Variants in ZNF514 observed in about 807,000 individuals in gnomAD.
The protein encoded by ZNF514 is zinc finger protein 514.
A neutral mutation model predicts 9.7 loss-of-function variants in ZNF514; 12 were observed. The observed-to-expected ratio is 1.24, with a 90% CI of 0.79 to 2.01. The LOEUF (loss-of-function observed/expected upper bound fraction) is 2.01. ZNF514 is among the 30% of genes most tolerant of loss of function. ZNF514 has a pLI of 0.00. For synonymous variants in ZNF514, 158 were observed against 163.7 expected, an observed-to-expected ratio of 0.97 and a Z score of 0.27; for missense variants, 467 against 465.5, an observed-to-expected ratio of 1.00 and a Z score of -0.03.
chr2:95,130,531 T>G, the ZNF514 span, among the ~76,000 whole-genome samples: 9 of 152,210 alleles, frequency 5.9e-5, no homozygotes, highest in Admixed American at 3.3e-4. Flanking sequence ...GAGACAGGTA[T>G]GCCCCGGGGG....
the ZNF514 span, among the ~76,000 whole-genome samples, chr2:95,137,623 T>C: frequency 6.6e-6 from 1 of 152,216 alleles, no homozygotes; most frequent in Non-Finnish European, 1.5e-5. Context: ...CCTCCCTTCA[T>C]GATATTTGAA....
chr2:95,150,133 CGCA>C lies in ZNF514; in HGVS notation c.349_351del (p.Cys117del). 1 of 1,611,428 alleles carries C rather than the reference CGCA, an allele frequency of 6.2e-7. No homozygotes were observed. Among genetic ancestry groups the C allele is most frequent in the South Asian group, 1.1e-5 (1 of 91,078 alleles). On this transcript the variant is annotated inframe_deletion, in exon 5 of 5. Coordinates refer to ENST00000295208, the MANE Select transcript of ZNF514 (RefSeq NM_032788.3). ...TGCATCTCTAACTGGCCATCACAAC[CGCA>C]GGCTGCTTTCAACTTCGAGAACTGC...
At chr2:95,134,172 A>T in the ZNF514 span, among the ~76,000 whole-genome samples, 2 of 152,156 alleles carry the variant, frequency 1.3e-5, no homozygotes. Context: ...CAAAAATCAT[A>T]AACTTTGTGA....
chr2:95,142,369 T>C (rs1357075114), downstream of ZNF514, among the ~76,000 whole-genome samples: 1 of 152,224 alleles, frequency 6.6e-6, no homozygotes, highest in African/African-American at 2.4e-5. Context: ...GAACCAATTA[T>C]GATAGTATAT....
chr2:95,150,243 T>C lies in ZNF514; in HGVS notation c.242A>G (p.Lys81Arg), dbSNP rs1267638567. 1 of 1,592,948 alleles carries C rather than the reference T, an allele frequency of 6.3e-7. No individual in the cohort carries two copies. The part of the protein sequence containing the change: ...HSDWKRRSKS[K>R]ESMPSWGISK... Reference sequence around the variant, plus strand: ...AATTCCCCAACTTGGCATTGATTCCTTGGATTTAGACCTTCTCTTCCAGTC... The same window carrying C: ...AATTCCCCAACTTGGCATTGATTCCCTGGATTTAGACCTTCTCTTCCAGTC... The change falls in exon 5 of 5, where the codon AAG becomes AGG. Residue 81 changes from lysine to arginine, a missense_variant. By Grantham distance (26) the Lys-to-Arg change is conservative. Coordinates refer to ENST00000295208, the MANE Select transcript of ZNF514 (RefSeq NM_032788.3).
rs940602022 is a variant in ZNF514 at position 95,149,172 on chromosome 2, A to G, written c.*110T>C. 3.8e-6 allele frequency: 5 copies of G among 1,312,986 alleles called. No homozygotes were observed. Among genetic ancestry groups the G allele is most frequent in the Non-Finnish European group, 3.1e-6 (3 of 967,446 alleles). 81.3% of individuals were successfully genotyped at this position (1,312,986 alleles called of 1,614,324 possible). ...TAATTATTGCCTGATGTGGAACAAG[A>G]TGTGGTCTTCCCACATACATTACAC... On this transcript the variant is annotated 3_prime_UTR_variant, in exon 5 of 5. Coordinates refer to ENST00000295208, the MANE Select transcript of ZNF514 (RefSeq NM_032788.3).
chr2:95,133,325 C>T, the ZNF514 span, among the ~76,000 whole-genome samples: 1 of 152,112 alleles, frequency 6.6e-6, no homozygotes, highest in Non-Finnish European at 1.5e-5. Context: ...CAGAGCAAGA[C>T]CCTGTCTCAA....
At chr2:95,130,363 C>T in the ZNF514 span, among the ~76,000 whole-genome samples, 7 of 152,182 alleles carry the variant, frequency 4.6e-5, no homozygotes, top group African/African-American at 7.2e-5. Flanking sequence ...AATGAAGTTT[C>T]GGGCACCATT....
chr2:95,138,014 A>G, the ZNF514 span, among the ~76,000 whole-genome samples: 1 of 152,028 alleles, frequency 6.6e-6, no homozygotes, highest in African/African-American at 2.4e-5. Flanking sequence ...GTGGCTACTC[A>G]CCCTTCACCT....
At chr2:95,133,413 G>A in the ZNF514 span, among the ~76,000 whole-genome samples, 1 of 152,208 alleles carries the variant, frequency 6.6e-6, no homozygotes, top group African/African-American at 2.4e-5. Context: ...TTCTTGAAAT[G>A]ACAAACAGAA....
At chr2:95,125,562 AATTCAGTGGC>A in the ZNF514 span, among the ~76,000 whole-genome samples, 3 of 152,188 alleles carry the variant, frequency 2.0e-5, no homozygotes, top group Non-Finnish European at 4.4e-5. Flanking sequence ...TTAAGTGTAC[AATTCAGTGGC>A]ATTAAGTACA....
Position 95,159,687 on chromosome 2 carries a change from GCGT to G in ZNF514, c.-546_-544del, listed in dbSNP as rs1169805187. On this transcript the variant is annotated 5_prime_UTR_variant, in exon 1 of 5. Coordinates refer to ENST00000295208, the MANE Select transcript of ZNF514 (RefSeq NM_032788.3). ...CGCCCGCCACCCCGCGCCAGCCCCCGCGTCCGCCCCGCGCCAGCCCCCGCGTCC... is the reference window on the plus strand; with the variant it reads ...CGCCCGCCACCCCGCGCCAGCCCCCGCCGCCCCGCGCCAGCCCCCGCGTCC... 13 of 72,770 alleles carry G rather than the reference GCGT, an allele frequency of 1.8e-4. No homozygotes were observed. Among genetic ancestry groups the G allele is most frequent in the African/African-American group, 7.3e-4 (12 of 16,476 alleles). 4.5% of individuals were successfully genotyped at this position (72,770 alleles called of 1,614,324 possible).
rs147808686 is a variant in ZNF514 at position 95,146,206 on chromosome 2, T to C, written c.*3076A>G. On this transcript the variant is annotated 3_prime_UTR_variant, in exon 5 of 5. Coordinates refer to ENST00000295208, the MANE Select transcript of ZNF514 (RefSeq NM_032788.3). Reference sequence around the variant, plus strand: ...ATATTTTACCATTTGACTTTTTCCATTGTCATCTGGTTCAGGAAACAAGAA... The same window carrying C: ...ATATTTTACCATTTGACTTTTTCCACTGTCATCTGGTTCAGGAAACAAGAA... Among the ~76,000 whole-genome samples, 13 of 152,310 alleles carry C rather than the reference T, an allele frequency of 8.5e-5. 1 individual carries two copies. Among genetic ancestry groups the C allele is most frequent in the African/African-American group, 3.1e-4 (13 of 41,552 alleles).
downstream of ZNF514, among the ~76,000 whole-genome samples, chr2:95,144,873 T>A (rs553667558): frequency 6.6e-6 from 1 of 152,008 alleles, no homozygotes; most frequent in African/African-American, 2.4e-5. Flanking sequence ...TCAGAAGTCA[T>A]CACAGTCCTA....
chr2:95,153,360 CATT>C, intron 2 of ZNF514, 101 bp from the exon 3 acceptor site: 1 of 1,228,466 alleles, frequency 8.1e-7, no homozygotes, highest in Non-Finnish European at 1.1e-6. Flanking sequence ...CCTACAGAGA[CATT>C]CTTCTCAGGT....
chr2:95,126,371 C>CAAAAAA, the ZNF514 span, among the ~76,000 whole-genome samples: 10 of 51,284 alleles, frequency 1.9e-4, no homozygotes, highest in East Asian at 6.8e-4. Flanking sequence ...AACTCCATCT[C>CAAAAAA]AAAAAAAAAA....
At chr2:95,159,158 G>C in intron 1 of ZNF514, 82 bp downstream of exon 1, 1 of 526,536 alleles carries the variant, frequency 1.9e-6, no homozygotes, top group Non-Finnish European at 2.7e-6. Flanking sequence ...GCCCAGAGCA[G>C]GGCCGGCAAA....
chr2:95,138,466 A>G, the ZNF514 span, among the ~76,000 whole-genome samples: 1 of 152,238 alleles, frequency 6.6e-6, no homozygotes, highest in Non-Finnish European at 1.5e-5. Context: ...ATTATGCCTT[A>G]GCAAAGAACT....
chr2:95,141,914 C>A (rs922078946), downstream of ZNF514, among the ~76,000 whole-genome samples: 16 of 152,226 alleles, frequency 1.1e-4, no homozygotes, highest in African/African-American at 3.6e-4. Context: ...AATTCAAGAC[C>A]CTCAGAATAA....
Sources: gnomAD v4.1 joint callset for allele counts (sites outside exome capture counted in the v4.1 genomes callset) on GRCh38, gnomAD v4.1.1 for gene constraint, MANE v1.5 for transcripts, NCBI Gene and HGNC (gene_info 2026-07-23, HGNC 2026-07-21) for gene names.